The following PIDD1 variants were observed in gnomAD, a reference collection of about 807,000 sequenced individuals.
The protein encoded by PIDD1 is p53-induced death domain-containing protein 1.
PIDD1 carries 72 observed loss-of-function variants against 80.0 expected under a neutral mutation model. The observed-to-expected ratio is 0.90, with a 90% CI of 0.74 to 1.09. The LOEUF (loss-of-function observed/expected upper bound fraction) is 1.09, where lower values mean the gene tolerates loss of function less well. Ranked by LOEUF, PIDD1 falls within the 50% of genes least tolerant of loss-of-function variation. The probability of loss-of-function intolerance (pLI) is 0.00; values close to 1 mark genes in which losing one functional copy is unlikely to be tolerated. For synonymous variants in PIDD1, 655 were observed against 543.5 expected (o/e 1.21, Z -2.85); for missense variants, 1,329 against 1,228.3 (o/e 1.08, Z -1.23).
chr11:804,656 A>G, intron 1 of PIDD1, 193 bp from the exon 2 acceptor site: 1 of 478,852 alleles, frequency 2.1e-6, no homozygotes, highest in Non-Finnish European at 3.6e-6. Context: ...GGGGAATGGG[A>G]CCGCCATGGC....
At position 802,136 on chromosome 11, in the gene PIDD1, G is replaced by C. The variant is rs531472352; in HGVS notation, c.1177-46C>G. 18 of 1,560,600 alleles carry C rather than the reference G, an allele frequency of 1.2e-5. No individual in the cohort carries two copies. In the African/African-American group the frequency reaches 2.2e-4, roughly 19 times the overall value. On this transcript the variant is annotated intron_variant, in intron 6 of 15. Transcript: ENST00000347755. ...GAGCACTGGAGCCATGCCCGGGCCC[G>C]CACACTGCCCCTGCCATGCCCTGGC...
At chr11:807,172 A>G (rs1282284753), upstream of PIDD1, among the ~76,000 whole-genome samples, 2 of 136,200 alleles carry the variant, frequency 1.5e-5, no homozygotes, top group Non-Finnish European at 3.1e-5. Flanking sequence ...AGCTTGGGTG[A>G]GAGTGAGACT....
At chr11:800,515 G>A (rs1590136622) in intron 12 of PIDD1, 28 bp downstream of exon 12, 5 of 1,609,770 alleles carry the variant, frequency 3.1e-6, no homozygotes, top group Non-Finnish European at 4.2e-6. Flanking sequence ...CCCCCTCCAG[G>A]GCAGGGAGCA....
upstream of PIDD1, among the ~76,000 whole-genome samples, chr11:807,886 A>G (rs1044674157): frequency 4.6e-5 from 7 of 152,232 alleles, no homozygotes; most frequent in South Asian, 2.1e-4. Context: ...CCTGGCCCAC[A>G]TAAACTACTC....
chr11:803,976 G>A, intron 2 of PIDD1, 118 bp downstream of exon 2: 1 of 1,136,582 alleles, frequency 8.8e-7, no homozygotes, highest in Non-Finnish European at 1.2e-6. Context: ...TCACACCTGG[G>A]GAGCCGGGAG....
rs1171858022 is a variant in PIDD1 at position 801,542 on chromosome 11, G to A, written c.1385C>T (p.Pro462Leu). 56 of 1,567,276 alleles carry A rather than the reference G, an allele frequency of 3.6e-5. No individual in the cohort carries two copies. Among genetic ancestry groups the A allele is most frequent in the Non-Finnish European group, 4.7e-5 (54 of 1,156,122 alleles). ...GGAGCACAGCAGTGTCCCCTCCGGT[G>A]GCACCAGGCAGGCATTGGACACAGG... The part of the protein sequence containing the change: ...SRPVSNACLV[P>L]PEGTLLCSSG... The change falls in exon 8 of 16, where the codon CCA becomes CTA. Residue 462 changes from proline to leucine, a missense_variant. Coordinates refer to ENST00000347755, the MANE Select transcript of PIDD1 (RefSeq NM_145886.4).
intron 15 of PIDD1, 29 bp from the exon 16 acceptor site, chr11:799,594 G>A (rs1175772720): frequency 2.6e-6 from 4 of 1,567,184 alleles, no homozygotes; most frequent in South Asian, 2.3e-5. Flanking sequence ...CGACAGAGGG[G>A]TCCTGTCCAC....
rs552406872 is a variant in PIDD1 at position 802,528 on chromosome 11, C to G, written c.974+15G>C. The G allele has an allele frequency of 1.9e-6, 3 of 1,612,832 alleles. No individual in the cohort carries two copies. In the South Asian group the frequency reaches 3.3e-5, roughly 18 times the overall value. On this transcript the variant is annotated intron_variant, in intron 5 of 15. Coordinates refer to ENST00000347755, the MANE Select transcript of PIDD1 (RefSeq NM_145886.4). ...CAGACAGACTCCCCTCCAGCCCCCT[C>G]AACCCACCCCATACCTGTCCAAATC...
At chr11:799,688 T>C in intron 15 of PIDD1, 123 bp from the exon 16 acceptor site, 1 of 1,392,230 alleles carries the variant, frequency 7.2e-7, no homozygotes, top group East Asian at 2.5e-5. Flanking sequence ...AGACCTTTCC[T>C]TTCCAGCCTG....
chr11:807,439 A>C (rs76140217), upstream of PIDD1, among the ~76,000 whole-genome samples: 1 of 151,506 alleles, frequency 6.6e-6, no homozygotes, highest in Non-Finnish European at 1.5e-5. Flanking sequence ...AGATTGCGCC[A>C]CTGCACTCCA....
In PIDD1 at chr11:799,193, CAG is replaced by C. The variant is rs1864994441; in HGVS notation, c.*112_*113del. 4 of 1,073,904 alleles carry C rather than the reference CAG, an allele frequency of 3.7e-6. No homozygotes were observed. Among genetic ancestry groups the C allele is most frequent in the South Asian group, 3.3e-5 (2 of 60,262 alleles). 66.5% of individuals were successfully genotyped at this position (1,073,904 alleles called of 1,614,324 possible). On this transcript the variant is annotated 3_prime_UTR_variant, in exon 16 of 16. Coordinates refer to ENST00000347755, the MANE Select transcript of PIDD1 (RefSeq NM_145886.4). ...AAATCAAGCTCTGAGGTGAAAGAAA[CAG>C]TGCAGTTTTGTTGCTCACAGGGACC...
chr11:802,181 C>T lies in PIDD1; in HGVS notation c.1176+14G>A, dbSNP rs768370074. On this transcript the variant is annotated intron_variant, in intron 6 of 15. Coordinates refer to ENST00000347755, the MANE Select transcript of PIDD1 (RefSeq NM_145886.4). ...CCTGGCCCACACACTGCCCCCGCCACGCCCTGTCCATGCCTGCTGGAAGGC... is the reference window on the plus strand; with the variant it reads ...CCTGGCCCACACACTGCCCCCGCCATGCCCTGTCCATGCCTGCTGGAAGGC... The T allele has an allele frequency of 2.6e-5, 41 of 1,590,468 alleles. No individual in the cohort carries two copies. The highest frequency in any genetic ancestry group is 1.1e-4 in the African/African-American group (8 of 74,674).
rs1181101983 is a variant in PIDD1, at chr11:803,384, G to C, written c.499C>G (p.Leu167Val). 1 of 1,613,998 alleles carries C rather than the reference G, an allele frequency of 6.2e-7. No individual in the cohort carries two copies. Among genetic ancestry groups the C allele is most frequent in the Admixed American group, 1.7e-5 (1 of 60,030 alleles). ...HNCLSELPEA[L>V]GALPALTFLT... Reference sequence around the variant, plus strand: ...AAGGTGAGGGCGGGGAGGGCCCCCAGAGCCTCAGGCAGCTCAGAGAGGCAG... The same window carrying C: ...AAGGTGAGGGCGGGGAGGGCCCCCACAGCCTCAGGCAGCTCAGAGAGGCAG... The change falls in exon 3 of 16, where the codon CTG (leucine) becomes GTG (valine). Residue 167 changes from leucine to valine, a missense_variant. Physicochemically the swap from Leu to Val is conservative, Grantham distance 32 (BLOSUM62 1). Coordinates refer to ENST00000347755, the MANE Select transcript of PIDD1 (RefSeq NM_145886.4).
At position 803,575 on chromosome 11, in the gene PIDD1, C is replaced by T. The variant is rs148866521; in HGVS notation, c.308G>A (p.Arg103Gln). 101 of 1,607,756 alleles carry T rather than the reference C, an allele frequency of 6.3e-5. No individual in the cohort carries two copies. Among genetic ancestry groups the T allele is most frequent in the South Asian group, 4.5e-4 (41 of 90,696 alleles). Residue 103 changes from arginine to glutamine, a missense_variant, in exon 3 of 16, where the codon CGG becomes CAG. Transcript: ENST00000347755. ...RSLVLKGGQR[R>Q]DTLGACLRGA... is the part of the protein sequence containing the mutation. The stretch of plus-strand genomic sequence containing the variant: ...CCGGAGACAGGCACCCAGTGTGTCC[C>T]GGCGTTGCCCTCCTGGGAAGGGGGG...
rs1289592034 is a variant in PIDD1 at position 799,344 on chromosome 11, G to A, written c.2696C>T (p.Ser899Phe). The change falls in exon 16 of 16, where the codon TCC (serine) becomes TTC (phenylalanine). Residue 899 changes from serine to phenylalanine, a missense_variant. Physicochemically the swap from Ser to Phe is radical, Grantham distance 155. Transcript: ENST00000347755. Reference sequence around the variant, plus strand: ...AGGCTCTGGGGGCTGTGGAGCCGAGGAGCCAGGCAGAGCGGGGTCCTTGGG... The same window carrying A: ...AGGCTCTGGGGGCTGTGGAGCCGAGAAGCCAGGCAGAGCGGGGTCCTTGGG... ...LAPKDPALPG[S>F]SAPQPPEPAQ... 1.9e-6 allele frequency: 3 copies of A among 1,609,554 alleles called. No homozygotes were observed. The highest frequency in any genetic ancestry group is 2.5e-6 in the Non-Finnish European group (3 of 1,179,104).
chr11:806,707 T>C (rs1002394758), upstream of PIDD1, among the ~76,000 whole-genome samples: 13 of 151,958 alleles, frequency 8.6e-5, no homozygotes, highest in African/African-American at 2.7e-4. Flanking sequence ...CTCAGCCTCC[T>C]GAGTAGCTGG....
chr11:803,690 C>A, intron 2 of PIDD1, 103 bp from the exon 3 acceptor site: 1 of 1,322,492 alleles, frequency 7.6e-7, no homozygotes. Context: ...ACAGACCTCC[C>A]ACCCCACCCC....
Position 801,035 on chromosome 11 carries a change from G to T in PIDD1, c.1716C>A (p.Val572=). The T allele has an allele frequency of 3.7e-6, 6 of 1,602,016 alleles. No individual in the cohort carries two copies. Among genetic ancestry groups the T allele is most frequent in the Non-Finnish European group, 5.1e-6 (6 of 1,174,846 alleles). ...ATWDDITAQV[V]LELTHLYARF... ...GTGCGTACAGGTGGGTGAGCTCCAG[G>T]ACCACCTGAGCTGTGATGTCATCCC... Residue 572 remains valine, a synonymous_variant, in exon 10 of 16, where the codon GTC becomes GTA. Transcript: ENST00000347755.
At chr11:803,782 G>C (rs565753246) in intron 2 of PIDD1, 195 bp from the exon 3 acceptor site, 2 of 656,372 alleles carry the variant, frequency 3.0e-6, no homozygotes, top group Non-Finnish European at 5.2e-6. Context: ...GGAGACCACC[G>C]GCTCATCTCA....
Sources: gnomAD v4.1 joint callset for allele counts (sites outside exome capture counted in the v4.1 genomes callset) on GRCh38, gnomAD v4.1.1 for gene constraint, MANE v1.5 for transcripts, NCBI Gene and HGNC (gene_info 2026-07-23, HGNC 2026-07-21) for gene names.